The following VAPB variants were observed in gnomAD, a reference collection of about 807,000 sequenced individuals.
VAPB encodes VAMP associated protein B and C, also known as vesicle-associated membrane protein-associated protein B/C.
A neutral mutation model predicts 25.6 loss-of-function variants in VAPB; 7 were observed. The observed-to-expected ratio is 0.27, with a 90% CI of 0.16 to 0.51. The LOEUF is 0.51. Among genes scored for constraint, VAPB ranks in the 20% least tolerant of loss-of-function variants. The probability of loss-of-function intolerance (pLI) is 0.97; values close to 1 mark genes in which losing one functional copy is unlikely to be tolerated. For synonymous variants in VAPB, 112 were observed against 109.2 expected, an observed-to-expected ratio of 1.03 and a Z score of -0.16; for missense variants, 266 against 301.3, an observed-to-expected ratio of 0.88 and a Z score of 0.87.
rs1989251101 is a variant in VAPB, at chr20:58,445,003, T to C, written c.*768T>C. The C allele has an allele frequency of 2.2e-6, 1 of 454,652 alleles. No homozygotes were observed. The allele number at this position is 454,652 out of a possible 1,614,324, so 28.2% of individuals were successfully genotyped here. A position where few individuals can be genotyped will look rare whatever the true frequency, so the allele number is the denominator to read the frequency against. ...CTTATTGTCACAAGAGTACAGTTAA[T>C]GCTGCGTGCTGCTGAACTCTGTTGG... On this transcript the variant is annotated 3_prime_UTR_variant, in exon 6 of 6. Coordinates refer to ENST00000475243, the MANE Select transcript of VAPB (RefSeq NM_004738.5).
intron 1 of VAPB, among the ~76,000 whole-genome samples, chr20:58,393,060 G>T (rs772089883): frequency 3.3e-5 from 5 of 152,076 alleles, no homozygotes; most frequent in Non-Finnish European, 7.4e-5. Flanking sequence ...TTTTGGCAGG[G>T]TCTTGCTCTG....
chr20:58,389,707 G>A (rs1170304006), intron 1 of VAPB, among the ~76,000 whole-genome samples, 190 bp downstream of exon 1: 1 of 152,136 alleles, frequency 6.6e-6, no homozygotes, highest in Non-Finnish European at 1.5e-5. Flanking sequence ...GCCGGGACCC[G>A]AGAGGGCTGG....
At chr20:58,392,405 G>A (rs1197185411) in intron 1 of VAPB, among the ~76,000 whole-genome samples, 1 of 152,234 alleles carries the variant, frequency 6.6e-6, no homozygotes, top group Non-Finnish European at 1.5e-5. Flanking sequence ...TAGGGAAGTG[G>A]TCCAAGAGAA....
At chr20:58,428,557 C>T (rs146403495) in intron 2 of VAPB, among the ~76,000 whole-genome samples, 12 of 152,080 alleles carry the variant, frequency 7.9e-5, no homozygotes, top group Non-Finnish European at 1.0e-4. Context: ...GAGGCTAAGG[C>T]GGGAGGATCA....
At chr20:58,417,714 C>T (rs902060679) in intron 1 of VAPB, among the ~76,000 whole-genome samples, 21 of 152,196 alleles carry the variant, frequency 1.4e-4, no homozygotes, top group African/African-American at 3.6e-4. Context: ...GTCTTTCTTC[C>T]ATCTGCTCCT....
chr20:58,399,631 G>T (rs1337320226), intron 1 of VAPB, among the ~76,000 whole-genome samples: 11 of 150,708 alleles, frequency 7.3e-5, no homozygotes, highest in Admixed American at 6.0e-4. Context: ...GGCAGGAATC[G>T]CTTGAACCCA....
intron 1 of VAPB, among the ~76,000 whole-genome samples, chr20:58,407,976 C>A (rs572884398): frequency 6.6e-6 from 1 of 152,054 alleles, no homozygotes; most frequent in Admixed American, 6.5e-5. Context: ...AGGTAGCTTT[C>A]CTGAGTTTGA....
chr20:58,428,831 A>G (rs1188670244), intron 2 of VAPB, among the ~76,000 whole-genome samples: 1 of 152,218 alleles, frequency 6.6e-6, no homozygotes, highest in Non-Finnish European at 1.5e-5. Context: ...GCTGAGAAAT[A>G]CAAACTCTTT....
In VAPB at chr20:58,449,624, TAAAAC is replaced by T. The variant is rs1989386498; in HGVS notation, c.*5391_*5395del. On this transcript the variant is annotated 3_prime_UTR_variant, in exon 6 of 6. Transcript: ENST00000475243. ...CTTTGATTAAAAGATGTCAGTTGAATAAAACAGTACTGTGGGAGAATCGCTTTCTG... is the reference window on the plus strand; with the variant it reads ...CTTTGATTAAAAGATGTCAGTTGAATAGTACTGTGGGAGAATCGCTTTCTG... 1 of 453,890 alleles carries T rather than the reference TAAAAC, an allele frequency of 2.2e-6. No homozygotes were observed. The highest frequency in any genetic ancestry group is 4.4e-6 in the Non-Finnish European group (1 of 226,682). 28.1% of individuals were successfully genotyped at this position (453,890 alleles called of 1,614,324 possible). A position where few individuals can be genotyped will look rare whatever the true frequency, so the allele number is the denominator to read the frequency against.
intron 1 of VAPB, among the ~76,000 whole-genome samples, chr20:58,406,453 A>G (rs1427483147): frequency 2.0e-5 from 3 of 152,364 alleles, no homozygotes; most frequent in African/African-American, 7.2e-5. Flanking sequence ...TATCACTGGT[A>G]TAGCCACTTA....
At chr20:58,416,761 AT>A (rs377235371) in intron 1 of VAPB, among the ~76,000 whole-genome samples, 95 of 147,844 alleles carry the variant, frequency 6.4e-4, no homozygotes, top group Admixed American at 1.4e-3. Flanking sequence ...TATCAGATTG[AT>A]TTTTTTTTTT....
chr20:58,408,629 A>T (rs1309489744), intron 1 of VAPB, among the ~76,000 whole-genome samples: 1 of 66,032 alleles, frequency 1.5e-5, no homozygotes, highest in African/African-American at 5.8e-5. Context: ...GGGCAACTTT[A>T]AAAAAAAACA....
intron 2 of VAPB, among the ~76,000 whole-genome samples, chr20:58,421,628 AC>A (rs772424695): frequency 3.7e-4 from 56 of 152,048 alleles, no homozygotes; most frequent in Admixed American, 1.2e-3. Context: ...ATTTCTGAAA[AC>A]CCTTGGAATG....
In VAPB at chr20:58,444,202, C is replaced by G; in HGVS notation, c.699C>G (p.Ile233Met). 6.2e-7 allele frequency: 1 copy of G among 1,614,164 alleles called. No individual in the cohort carries two copies. The highest frequency in any genetic ancestry group is 8.5e-7 in the Non-Finnish European group (1 of 1,180,034). The change falls in exon 6 of 6, where the codon ATC (isoleucine) becomes ATG (methionine). Residue 233 changes from isoleucine to methionine, a missense_variant. Physicochemically the swap from Ile to Met is conservative, Grantham distance 10. This residue lies in a region of VAPB where 136 missense variants were observed against 130.7 expected (regional missense o/e 1.04). Coordinates refer to ENST00000475243, the MANE Select transcript of VAPB (RefSeq NM_004738.5). The part of the protein sequence containing the change: ...RLLALVVLFF[I>M]VGVIIGKIAL ...TGGCTCTGGTGGTTTTGTTCTTTAT[C>G]GTTGGTGTAATTATTGGGAAGATTG...
rs1380170572 is a variant in VAPB, at chr20:58,431,577, CT to C, written c.212-3016del. The C allele has an allele frequency of 4.8e-5, 7 of 147,134 alleles. No homozygotes were observed. In the East Asian group the frequency reaches 5.9e-4, roughly 12 times the overall value. The allele number at this position is 147,134 out of a possible 1,614,324, so 9.1% of individuals were successfully genotyped here. On this transcript the variant is annotated intron_variant, in intron 2 of 5. Transcript: ENST00000475243. ...TTGTTTGTTTTTTTTTTTGTTTTTT[CT>C]TTTTTTTTAAGAGACTGGGTCTTGC...
At chr20:58,419,414 T>C (rs970804326) in intron 2 of VAPB, among the ~76,000 whole-genome samples, 4 of 152,214 alleles carry the variant, frequency 2.6e-5, no homozygotes, top group Admixed American at 2.6e-4. Flanking sequence ...CAAGACCTGA[T>C]CTTCGAATCA....
chr20:58,397,237 C>T lies in VAPB; in HGVS notation c.58+7720C>T, dbSNP rs376577784. Among the ~76,000 whole-genome samples the T allele has an allele frequency of 2.6e-5, 4 of 152,044 alleles. No individual in the cohort carries two copies. In the East Asian group the frequency reaches 5.8e-4, roughly 22 times the overall value. On this transcript the variant is annotated intron_variant, in intron 1 of 5. Transcript: ENST00000475243. Reference sequence around the variant, plus strand: ...TGATTCTATATATTTAGAAAGCATTCGGCCGGGCATGGTGGCTCATGCCTG... The same window carrying T: ...TGATTCTATATATTTAGAAAGCATTTGGCCGGGCATGGTGGCTCATGCCTG...
At position 58,448,647 on chromosome 20, in the gene VAPB, T is replaced by TC. The variant is rs1271636698; in HGVS notation, c.*4413dup. The TC allele has an allele frequency of 2.2e-6, 1 of 453,992 alleles. No homozygotes were observed. Among genetic ancestry groups the TC allele is most frequent in the African/African-American group, 2.0e-5 (1 of 50,024 alleles). 28.1% of individuals were successfully genotyped at this position (453,992 alleles called of 1,614,324 possible). Reference sequence around the variant, plus strand: ...GATGAGGCCTTCCTGCCTCAGCTACTCTGCCCGTCTGTACATCTTTTGTGT... The same window carrying TC: ...GATGAGGCCTTCCTGCCTCAGCTACTCCTGCCCGTCTGTACATCTTTTGTGT... On this transcript the variant is annotated 3_prime_UTR_variant, in exon 6 of 6. Coordinates refer to ENST00000475243, the MANE Select transcript of VAPB (RefSeq NM_004738.5).
In VAPB at chr20:58,443,534, C is replaced by T. The variant is rs568800968; in HGVS notation, c.574-543C>T. Among the ~76,000 whole-genome samples, 181 of 151,942 alleles carry T rather than the reference C, an allele frequency of 1.2e-3. 1 individual carries two copies. The highest frequency in any genetic ancestry group is 1.8e-4 in the Non-Finnish European group (12 of 67,962). ...AACTCCTGAGCTCAGGTGATCCACC[C>T]GCCTCAGCCTCCCAAAGTACAGGGA... On this transcript the variant is annotated intron_variant, in intron 5 of 5. Coordinates refer to ENST00000475243, the MANE Select transcript of VAPB (RefSeq NM_004738.5).
Sources: gnomAD v4.1 joint callset for allele counts (sites outside exome capture counted in the v4.1 genomes callset) on GRCh38, gnomAD v4.1.1 for gene constraint, gnomAD v4.1.1 regional missense constraint, MANE v1.5 for transcripts, NCBI Gene and HGNC (gene_info 2026-07-23, HGNC 2026-07-21) for gene names.